GPC5: variants seen among roughly 807,000 people sequenced by gnomAD.
The protein encoded by GPC5 is glypican 5, also known as glypican-5.
A neutral mutation model predicts 53.9 loss-of-function variants in GPC5; 47 were observed. The observed-to-expected ratio is 0.87, with a 90% CI of 0.69 to 1.11. The LOEUF (loss-of-function observed/expected upper bound fraction) is 1.11. Ranked by LOEUF, GPC5 falls within the 50% of genes most tolerant of loss-of-function variation. The pLI is 0.00. For missense variants in GPC5, 748 were observed against 713.1 expected, an observed-to-expected ratio of 1.05 and a Z score of -0.56; for synonymous variants, 286 against 263.3, an observed-to-expected ratio of 1.09 and a Z score of -0.84.
chr13:92,813,867 A>G (rs1427456996), intron 7 of GPC5, among the ~76,000 whole-genome samples: 1 of 152,040 alleles, frequency 6.6e-6, no homozygotes, highest in African/African-American at 2.4e-5. Flanking sequence ...ATCTCCTTTG[A>G]CTTTAGTAGA....
At chr13:92,701,739 CT>C (rs1362366400) in intron 7 of GPC5, among the ~76,000 whole-genome samples, 11 of 152,196 alleles carry the variant, frequency 7.2e-5, no homozygotes, top group African/African-American at 2.4e-4. Flanking sequence ...CTTCATATTC[CT>C]TTATCTCATA....
At chr13:92,288,324 A>T (rs1252756418) in intron 7 of GPC5, among the ~76,000 whole-genome samples, 1 of 152,032 alleles carries the variant, frequency 6.6e-6, no homozygotes, top group Non-Finnish European at 1.5e-5. Flanking sequence ...GTTTTATAGT[A>T]TTTTTGTTAG....
intron 7 of GPC5, among the ~76,000 whole-genome samples, chr13:92,646,968 A>G (rs36184613): frequency 0.33 from 37,416 of 114,174 alleles, 5,266 homozygotes; most frequent in Middle Eastern, 0.46. Flanking sequence ...GTGTGTGTGT[A>G]TATAAACCTG....
chr13:92,685,435 T>A (rs1354107793), intron 7 of GPC5, among the ~76,000 whole-genome samples: 1 of 152,080 alleles, frequency 6.6e-6, no homozygotes, highest in Non-Finnish European at 1.5e-5. Context: ...CTTCACCTGT[T>A]ACCACATTTT....
chr13:91,634,299 A>G (rs931779443), intron 2 of GPC5, among the ~76,000 whole-genome samples: 2 of 152,124 alleles, frequency 1.3e-5, no homozygotes, highest in South Asian at 4.1e-4. Flanking sequence ...AAGATTTCGA[A>G]TGACAACTGG....
intron 2 of GPC5, among the ~76,000 whole-genome samples, chr13:91,589,740 C>T (rs184935801): frequency 4.1e-4 from 63 of 152,196 alleles, no homozygotes; most frequent in African/African-American, 1.4e-3. Context: ...ATCTGAGTGT[C>T]TGGGTGGCCA....
At chr13:92,697,798 T>G (rs185897162) in intron 7 of GPC5, among the ~76,000 whole-genome samples, 289 of 152,250 alleles carry the variant, frequency 1.9e-3, no homozygotes, top group African/African-American at 6.7e-3. Context: ...ATGCTTCCAG[T>G]TTTTGCCCAT....
At chr13:92,546,788 C>G (rs1302216203) in intron 7 of GPC5, among the ~76,000 whole-genome samples, 1 of 152,102 alleles carries the variant, frequency 6.6e-6, no homozygotes, top group African/African-American at 2.4e-5. Flanking sequence ...CTACAGTAAC[C>G]AAAACAGCAT....
rs9583967 is a variant in GPC5 at position 91,840,750 on chromosome 13, T to A, written c.1281-67187T>A. Among the ~76,000 whole-genome samples, 499 of 151,984 alleles carry A rather than the reference T, an allele frequency of 3.3e-3. 2 individuals are homozygous for A. Among genetic ancestry groups the A allele is most frequent in the African/African-American group, 0.011 (458 of 41,474 alleles). ...ATGACATAAGTTCCTATTTTTATTT[T>A]TTTTTTTTTAAAAAACATGTTTAGA... On this transcript the variant is annotated intron_variant, in intron 5 of 7. Coordinates refer to ENST00000377067, the MANE Select transcript of GPC5 (RefSeq NM_004466.6).
intron 3 of GPC5, among the ~76,000 whole-genome samples, chr13:91,720,489 GA>G (rs765176473): frequency 5.9e-5 from 9 of 152,194 alleles, no homozygotes; most frequent in Non-Finnish European, 1.3e-4. Context: ...CTTCATCTCA[GA>G]ATCATTTTCA....
At chr13:91,797,347 T>C (rs2038062563) in intron 5 of GPC5, among the ~76,000 whole-genome samples, 1 of 152,302 alleles carries the variant, frequency 6.6e-6, no homozygotes, top group Admixed American at 6.5e-5. Context: ...TTTTTGTTGA[T>C]GTTGAAAAAC....
chr13:92,171,750 G>A (rs987533800), intron 7 of GPC5, among the ~76,000 whole-genome samples: 4 of 152,104 alleles, frequency 2.6e-5, no homozygotes, highest in Non-Finnish European at 5.9e-5. Flanking sequence ...CCTGTTTAAT[G>A]CATAGGTAAT....
intron 7 of GPC5, among the ~76,000 whole-genome samples, chr13:92,435,308 G>A (rs1877257230): frequency 6.6e-6 from 1 of 152,082 alleles, no homozygotes. Context: ...AATGAATCAA[G>A]ACCAAAAGGG....
intron 7 of GPC5, among the ~76,000 whole-genome samples, chr13:92,846,096 T>G (rs1878602483): frequency 6.6e-6 from 1 of 152,158 alleles, no homozygotes; most frequent in African/African-American, 2.4e-5. Context: ...TCTGCAGGGC[T>G]GGTGAGGCCT....
At chr13:91,822,164 C>A (rs1322798005) in intron 5 of GPC5, among the ~76,000 whole-genome samples, 1 of 152,132 alleles carries the variant, frequency 6.6e-6, no homozygotes, top group Non-Finnish European at 1.5e-5. Context: ...ACAGACATCC[C>A]CAAAGTAGAA....
intron 7 of GPC5, among the ~76,000 whole-genome samples, chr13:92,545,907 A>G (rs973099938): frequency 2.0e-5 from 3 of 152,286 alleles, no homozygotes; most frequent in South Asian, 2.1e-4. Context: ...TTTGCTGTGC[A>G]GAAGCTCTTT....
chr13:92,290,754 G>A (rs527380948), intron 7 of GPC5, among the ~76,000 whole-genome samples: 2 of 152,312 alleles, frequency 1.3e-5, no homozygotes, highest in Non-Finnish European at 2.9e-5. Context: ...GCTCGCTCTC[G>A]GCGCCTCCTC....
intron 7 of GPC5, among the ~76,000 whole-genome samples, chr13:92,768,996 A>C (rs1460023983): frequency 6.6e-6 from 1 of 152,200 alleles, no homozygotes; most frequent in East Asian, 1.9e-4. Flanking sequence ...AGTATCATAT[A>C]AATAAGTACG....
chr13:92,066,043 A>G (rs1368112744), intron 6 of GPC5, among the ~76,000 whole-genome samples: 2 of 152,138 alleles, frequency 1.3e-5, no homozygotes, highest in East Asian at 3.8e-4. Context: ...TGATTAGAAA[A>G]TCTGTTTTAA....
Sources: allele counts gnomAD v4.1 joint callset (sites outside exome capture counted in the v4.1 genomes callset), GRCh38; gene constraint gnomAD v4.1.1; transcripts MANE v1.5; gene names NCBI Gene and HGNC (gene_info 2026-07-23, HGNC 2026-07-21).